Variants in CXADR observed in about 807,000 individuals in gnomAD.
The protein encoded by CXADR is coxsackievirus and adenovirus receptor.
CXADR carries 20 observed loss-of-function variants against 40.3 expected under a neutral mutation model. That is an observed-to-expected ratio of 0.50 (90% confidence interval 0.35 to 0.72). The LOEUF is 0.72. Among genes scored for constraint, CXADR ranks in the 30% least tolerant of loss-of-function variants. The probability of loss-of-function intolerance (pLI) is 0.01; values close to 1 mark genes in which losing one functional copy is unlikely to be tolerated. For synonymous variants in CXADR, 150 were observed against 161.3 expected (o/e 0.93, Z 0.53); for missense variants, 332 against 449.1 (o/e 0.74, Z 2.36).
intron 7 of CXADR, among the ~76,000 whole-genome samples, chr21:17,592,279 C>T (rs984076289): frequency 6.6e-6 from 1 of 151,926 alleles, no homozygotes; most frequent in African/African-American, 2.4e-5. Flanking sequence ...CTCCTGGATA[C>T]CAAAATCCTC....
At chr21:17,530,536 G>A (rs757550357) in intron 1 of CXADR, 35 of 407,388 alleles carry the variant, frequency 8.6e-5, no homozygotes, top group South Asian at 4.6e-4. Context: ...TGTGAAGGCC[G>A]GGCGTGGTGG....
At chr21:17,542,505 C>A (rs1386496446) in intron 1 of CXADR, among the ~76,000 whole-genome samples, 3 of 152,072 alleles carry the variant, frequency 2.0e-5, no homozygotes. Context: ...TCAGACTGTG[C>A]AGAAGAGAAG....
the CXADR span, among the ~76,000 whole-genome samples, chr21:17,634,494 G>A: frequency 6.6e-6 from 1 of 152,156 alleles, no homozygotes; most frequent in Non-Finnish European, 1.5e-5. Flanking sequence ...ACAAAAATAT[G>A]AGACAGAGCT....
intron 1 of CXADR, among the ~76,000 whole-genome samples, chr21:17,535,471 A>G (rs1368106889): frequency 2.0e-5 from 3 of 152,016 alleles, no homozygotes; most frequent in African/African-American, 7.2e-5. Flanking sequence ...AAGTGCTGGG[A>G]TGGTTACAGG....
At chr21:17,621,050 A>T in the CXADR span, among the ~76,000 whole-genome samples, 1 of 152,220 alleles carries the variant, frequency 6.6e-6, no homozygotes, top group South Asian at 2.1e-4. Flanking sequence ...CAAATGATTG[A>T]TATCCACCCA....
the CXADR span, among the ~76,000 whole-genome samples, chr21:17,618,483 A>G: frequency 1.3e-5 from 2 of 152,206 alleles, no homozygotes; most frequent in Non-Finnish European, 2.9e-5. Context: ...CAGAGCCATC[A>G]GAGAAATCAC....
At chr21:17,549,473 A>G (rs568077537) in intron 2 of CXADR, among the ~76,000 whole-genome samples, 191 of 152,358 alleles carry the variant, frequency 1.3e-3, no homozygotes, top group Non-Finnish European at 2.3e-3. Context: ...TACTGTGCCA[A>G]GTTAAATGGA....
At position 17,557,508 on chromosome 21, in the gene CXADR, A is replaced by G. The variant is rs551405491; in HGVS notation, c.416-1468A>G. On this transcript the variant is annotated intron_variant, in intron 3 of 6. Coordinates refer to ENST00000284878, the MANE Select transcript of CXADR (RefSeq NM_001338.5). The stretch of plus-strand genomic sequence containing the variant: ...CTCGTAATGCCGTCCTCACTAGTCA[A>G]TCTGATTTTGATAGACCACACACTT... Among the ~76,000 whole-genome samples, 13 of 152,262 alleles carry G rather than the reference A, an allele frequency of 8.5e-5. No individual in the cohort carries two copies. In the South Asian group the frequency reaches 1.9e-3, roughly 22 times the overall value.
chr21:17,526,447 T>C (rs2123142736), intron 1 of CXADR, among the ~76,000 whole-genome samples: 1 of 152,268 alleles, frequency 6.6e-6, no homozygotes, highest in African/African-American at 2.4e-5. Context: ...TTAAAGCCAA[T>C]CACATCTTGA....
At chr21:17,557,493 C>T (rs1045465552) in intron 3 of CXADR, among the ~76,000 whole-genome samples, 6 of 152,150 alleles carry the variant, frequency 3.9e-5, no homozygotes, top group African/African-American at 1.2e-4. Context: ...CTCGTAATGC[C>T]GTCCTCACTA....
Position 17,553,286 on chromosome 21 carries a change from C to T in CXADR, c.415+1333C>T, listed in dbSNP as rs569735114. Among the ~76,000 whole-genome samples the T allele has an allele frequency of 2.0e-5, 3 of 152,310 alleles. No individual in the cohort carries two copies. In the South Asian group the frequency reaches 6.2e-4, roughly 32 times the overall value. ...TCCTACAAGTAGACCCAGCACTTAA[C>T]TATTACTCCTAGAGACTAGGAACAA... On this transcript the variant is annotated intron_variant, in intron 3 of 6. Coordinates refer to ENST00000284878, the MANE Select transcript of CXADR (RefSeq NM_001338.5).
intron 7 of CXADR, among the ~76,000 whole-genome samples, chr21:17,579,301 T>C (rs1418658994): frequency 6.6e-6 from 1 of 151,208 alleles, no homozygotes; most frequent in Non-Finnish European, 1.5e-5. Flanking sequence ...TTTTTTTTTT[T>C]TGAGATGGAG....
At chr21:17,527,720 T>G (rs1360633239) in intron 1 of CXADR, among the ~76,000 whole-genome samples, 6 of 152,202 alleles carry the variant, frequency 3.9e-5, no homozygotes, top group Admixed American at 3.3e-4. Flanking sequence ...CCTTCCACCT[T>G]GGGAACCCCT....
the CXADR span, chr21:17,613,919 A>G: frequency 6.6e-6 from 1 of 152,230 alleles, no homozygotes; most frequent in African/African-American, 2.4e-5. Flanking sequence ...TTCAAGTTGT[A>G]CAGTATATTG....
At position 17,545,072 on chromosome 21, in the gene CXADR, G is replaced by GTTTT. The variant is rs869189508; in HGVS notation, c.44-1933_44-1930dup. ...TTTACTCCTAATTTTGCTCTAATGT[G>GTTTT]TTTTTTTTTTTTTTTTTTTTTTTTT... On this transcript the variant is annotated intron_variant, in intron 1 of 6. Coordinates refer to ENST00000284878, the MANE Select transcript of CXADR (RefSeq NM_001338.5). Among the ~76,000 whole-genome samples, 183 of 55,388 alleles carry GTTTT rather than the reference G, an allele frequency of 3.3e-3. 4 individuals are homozygous for GTTTT. Among genetic ancestry groups the GTTTT allele is most frequent in the East Asian group, 4.1e-3 (8 of 1,958 alleles). The allele number at this position is 55,388 out of a possible 152,430, so 36.3% of individuals were successfully genotyped here.
chr21:17,624,290 G>A, the CXADR span, among the ~76,000 whole-genome samples: 1 of 152,112 alleles, frequency 6.6e-6, no homozygotes. Flanking sequence ...CACACACTTA[G>A]CAGCTTAAAG....
At chr21:17,550,925 A>T (rs1040355944) in intron 2 of CXADR, among the ~76,000 whole-genome samples, 2 of 152,192 alleles carry the variant, frequency 1.3e-5, no homozygotes, top group African/African-American at 4.8e-5. Context: ...TTTATCTGTT[A>T]GAGTCTAGAG....
chr21:17,521,612 C>T (rs929561792), intron 1 of CXADR, among the ~76,000 whole-genome samples: 39 of 152,138 alleles, frequency 2.6e-4, no homozygotes, highest in Admixed American at 2.3e-3. Context: ...CGTGAGCCAC[C>T]GCACCTGGCC....
chr21:17,563,609 A>G (rs2061154519), intron 6 of CXADR, among the ~76,000 whole-genome samples: 1 of 152,118 alleles, frequency 6.6e-6, no homozygotes, highest in Non-Finnish European at 1.5e-5. Flanking sequence ...AATTTCCAAA[A>G]TGCAACACAG....
Sources: gnomAD v4.1 joint callset for allele counts (sites outside exome capture counted in the v4.1 genomes callset) on GRCh38, gnomAD v4.1.1 for gene constraint, MANE v1.5 for transcripts, NCBI Gene and HGNC (gene_info 2026-07-23, HGNC 2026-07-21) for gene names.